Variants in IGSF11 observed in about 807,000 individuals in gnomAD.
IGSF11 encodes the protein immunoglobulin superfamily member 11.
Under a neutral mutation model 41.0 loss-of-function variants are expected in IGSF11, and 22 were observed. The ratio of observed to expected loss-of-function variants is 0.54; its 90% CI spans 0.38 to 0.77. IGSF11 has a LOEUF of 0.77. Ranked by LOEUF, IGSF11 falls within the 30% of genes least tolerant of loss-of-function variation. The probability of loss-of-function intolerance (pLI) is 0.00; values close to 1 mark genes in which losing one functional copy is unlikely to be tolerated. For synonymous variants in IGSF11, 219 were observed against 201.3 expected, an observed-to-expected ratio of 1.09 and a Z score of -0.74; for missense variants, 444 against 530.8, an observed-to-expected ratio of 0.84 and a Z score of 1.61.
intron 1 of IGSF11, among the ~76,000 whole-genome samples, chr3:119,011,175 T>C (rs1266160064): frequency 6.6e-6 from 1 of 152,146 alleles, no homozygotes; most frequent in Non-Finnish European, 1.5e-5. Context: ...TGGAAGTGAC[T>C]GGCGTGGGGC....
chr3:119,093,044 T>A (rs2076790433), intron 1 of IGSF11, among the ~76,000 whole-genome samples: 1 of 137,116 alleles, frequency 7.3e-6, no homozygotes, highest in African/African-American at 2.5e-5. Context: ...TATCTAACAA[T>A]GCATTTTTCA....
chr3:119,082,892 C>CA (rs1054412435), intron 1 of IGSF11, among the ~76,000 whole-genome samples: 6 of 151,902 alleles, frequency 3.9e-5, no homozygotes, highest in African/African-American at 9.7e-5. Flanking sequence ...ATAAAACAAA[C>CA]AAAAAATGTT....
At chr3:118,983,771 T>TA (rs1399278855) in intron 1 of IGSF11, among the ~76,000 whole-genome samples, 1 of 152,212 alleles carries the variant, frequency 6.6e-6, no homozygotes, top group East Asian at 1.9e-4. Context: ...ATCTCACTGT[T>TA]AGTTATTCAA....
At chr3:119,137,336 T>C (rs1182584915) in intron 1 of IGSF11, among the ~76,000 whole-genome samples, 5 of 152,134 alleles carry the variant, frequency 3.3e-5, no homozygotes, top group African/African-American at 9.6e-5. Flanking sequence ...AGATCTATAA[T>C]AATCAAGATG....
intron 1 of IGSF11, among the ~76,000 whole-genome samples, chr3:119,126,029 C>G (rs964996370): frequency 6.6e-6 from 1 of 152,262 alleles, no homozygotes; most frequent in Non-Finnish European, 1.5e-5. Context: ...GGAGGGGCGA[C>G]CAGCACCGGC....
intron 1 of IGSF11, among the ~76,000 whole-genome samples, chr3:119,117,937 G>A (rs757020450): frequency 3.9e-5 from 6 of 152,224 alleles, no homozygotes; most frequent in South Asian, 4.1e-4. Context: ...CTATGACTCC[G>A]TGTCTCACAT....
intron 1 of IGSF11, among the ~76,000 whole-genome samples, chr3:119,058,598 A>G (rs1338276647): frequency 6.6e-6 from 1 of 152,260 alleles, no homozygotes; most frequent in Non-Finnish European, 1.5e-5. Context: ...TGGAAATACC[A>G]TTTGACCCAG....
chr3:118,912,291 G>A (rs1940425109), intron 4 of IGSF11, among the ~76,000 whole-genome samples: 1 of 151,950 alleles, frequency 6.6e-6, no homozygotes, highest in South Asian at 2.1e-4. Context: ...ACTGACCATT[G>A]TGAGAAACAA....
chr3:118,995,944 G>A (rs1936230764), intron 1 of IGSF11, among the ~76,000 whole-genome samples: 1 of 152,058 alleles, frequency 6.6e-6, no homozygotes, highest in South Asian at 2.1e-4. Context: ...CACTGCACCT[G>A]GCTAATTTTT....
At chr3:119,056,397 ATACACCCTCCCAAGAC>A (rs1177992490) in intron 1 of IGSF11, among the ~76,000 whole-genome samples, 19 of 152,218 alleles carry the variant, frequency 1.2e-4, no homozygotes, top group African/African-American at 2.4e-5. Context: ...TCCTCGACAC[ATACACCCTCCCAAGAC>A]TAAACCAGGA....
intron 1 of IGSF11, among the ~76,000 whole-genome samples, chr3:119,110,345 T>G (rs959650182): frequency 2.0e-5 from 3 of 152,118 alleles, no homozygotes; most frequent in Admixed American, 2.0e-4. Context: ...CATTATGTAA[T>G]GGCCTTCTTT....
chr3:118,992,894 G>A (rs978808683), intron 1 of IGSF11, among the ~76,000 whole-genome samples: 1 of 152,100 alleles, frequency 6.6e-6, no homozygotes, highest in Non-Finnish European at 1.5e-5. Context: ...CATACACAAG[G>A]GATTTGTATC....
At chr3:119,055,023 T>G (rs1006281261) in intron 1 of IGSF11, among the ~76,000 whole-genome samples, 3 of 152,272 alleles carry the variant, frequency 2.0e-5, no homozygotes, top group Non-Finnish European at 2.9e-5. Flanking sequence ...GGTTCACCAA[T>G]ATCCGTTGTT....
At chr3:119,072,922 C>T (rs995650165) in intron 1 of IGSF11, among the ~76,000 whole-genome samples, 1 of 152,236 alleles carries the variant, frequency 6.6e-6, no homozygotes, top group South Asian at 2.1e-4. Flanking sequence ...CTGATTGGTC[C>T]GTTTTGACCG....
intron 4 of IGSF11, among the ~76,000 whole-genome samples, chr3:118,912,910 G>A (rs1940520892): frequency 6.6e-6 from 1 of 152,140 alleles, no homozygotes; most frequent in South Asian, 2.1e-4. Flanking sequence ...GAGGTAGGAG[G>A]ATTGCTTAAG....
chr3:118,902,762 C>T lies in IGSF11; in HGVS notation c.1054G>A (p.Ala352Thr), dbSNP rs1475052030. The change falls in exon 7 of 7, where the codon GCC (alanine) becomes ACC (threonine). Residue 352 changes from alanine (A) to threonine (T), a missense_variant. Around this residue, in one of 3 missense-constraint regions of IGSF11, gnomAD observed 223 missense variants for 226.2 expected, o/e 0.99. Coordinates refer to ENST00000393775, the MANE Select transcript of IGSF11 (RefSeq NM_001015887.3). Reference protein sequence around the residue: ...GQSFSFHSGNANIPSIYANGT... With the variant: ...GQSFSFHSGNTNIPSIYANGT... ...TTAGCATAAATGGATGGTATGTTGG[C>T]ATTGCCTGAGTGGAAAGAGAAAGAT... 6.2e-7 allele frequency: 1 copy of T among 1,614,134 alleles called. No homozygotes were observed. The highest frequency in any genetic ancestry group is 1.1e-5 in the South Asian group (1 of 91,080).
intron 1 of IGSF11, among the ~76,000 whole-genome samples, chr3:119,103,451 G>A (rs749417134): frequency 7.3e-5 from 11 of 151,680 alleles, no homozygotes; most frequent in Non-Finnish European, 1.3e-4. Flanking sequence ...GTTTGAATGT[G>A]ATGAGTTTTT....
intron 1 of IGSF11, among the ~76,000 whole-genome samples, chr3:118,998,963 A>G (rs1296882686): frequency 6.6e-6 from 1 of 152,156 alleles, no homozygotes; most frequent in Non-Finnish European, 1.5e-5. Flanking sequence ...TGTTACATCC[A>G]TACAATGAAA....
intron 1 of IGSF11, among the ~76,000 whole-genome samples, chr3:118,984,416 T>C (rs981468486): frequency 6.6e-6 from 1 of 152,098 alleles, no homozygotes; most frequent in Non-Finnish European, 1.5e-5. Flanking sequence ...ACAAAATGTA[T>C]CTAAGAAAAG....
Sources: allele counts gnomAD v4.1 joint callset (sites outside exome capture counted in the v4.1 genomes callset), GRCh38; gene constraint gnomAD v4.1.1; regional missense constraint gnomAD v4.1.1; transcripts MANE v1.5; gene names NCBI Gene and HGNC (gene_info 2026-07-23, HGNC 2026-07-21).